MUC5AC: variants seen among roughly 807,000 people sequenced by gnomAD.
MUC5AC encodes the protein mucin-5AC.
Under a neutral mutation model 169.7 loss-of-function variants are expected in MUC5AC, and 158 were observed. The ratio of observed to expected loss-of-function variants is 0.93; its 90% CI spans 0.82 to 1.06. MUC5AC has a LOEUF of 1.06. Ranked by LOEUF, MUC5AC falls within the 50% of genes least tolerant of loss-of-function variation. MUC5AC has a pLI of 0.00. For synonymous variants in MUC5AC, 1,975 were observed against 1,237.0 expected (o/e 1.60, Z -12.52); for missense variants, 4,359 against 3,089.9 (o/e 1.41, Z -9.74).
intron 37 of MUC5AC, 77 bp from the exon 38 acceptor site, chr11:1,196,311 T>A (rs574149234): frequency 1.3e-6 from 1 of 744,878 alleles, no homozygotes; most frequent in East Asian, 2.4e-5. Context: ...CCGGAGCAGA[T>A]GTTGGTGCCC....
In MUC5AC at chr11:1,189,800, C is replaced by T; in HGVS notation, c.11655C>T (p.Thr3885=). 1.4e-6 allele frequency: 1 copy of T among 723,072 alleles called. No individual in the cohort carries two copies. Among genetic ancestry groups the T allele is most frequent in the Non-Finnish European group, 2.5e-6 (1 of 396,108 alleles). The allele number at this position is 723,072 out of a possible 1,614,324, so 44.8% of individuals were successfully genotyped here. A position where few individuals can be genotyped will look rare whatever the true frequency, so the allele number is the denominator to read the frequency against. Residue 3885 remains threonine, a synonymous_variant, in exon 31 of 49, where the codon ACC becomes ACT. Transcript: ENST00000621226. ...CCAGCACAACCTCTTTCCATACAACCAGCACAACCTCTCCCCCTACAAGCA... is the reference window on the plus strand; with the variant it reads ...CCAGCACAACCTCTTTCCATACAACTAGCACAACCTCTCCCCCTACAAGCA... ...PTTSTTSFHT[T]STTSPPTSST...
At chr11:1,179,328 GGT>G (rs1286994281) in intron 26 of MUC5AC, 80 bp downstream of exon 26, 476,462 of 476,490 alleles carry the variant, frequency 1, 238,217 homozygotes, top group Middle Eastern at 1. Flanking sequence ...TGATGCGTGG[GGT>G]GTGTGGGGCG....
chr11:1,194,449 T>C (rs1861206198), intron 34 of MUC5AC, 38 bp from the exon 35 acceptor site: 1 of 727,686 alleles, frequency 1.4e-6, no homozygotes, highest in Non-Finnish European at 2.5e-6. Context: ...CCCGCCCGCC[T>C]GCCTTCTGAC....
intron 41 of MUC5AC, 99 bp downstream of exon 41, chr11:1,197,738 G>T (rs1861314869): frequency 9.5e-6 from 6 of 633,270 alleles, no homozygotes; most frequent in Non-Finnish European, 1.7e-5. Context: ...TGCACCTGGG[G>T]ACAGTGCCTA....
chr11:1,165,392 C>T lies in MUC5AC; in HGVS notation c.1220C>T (p.Ala407Val), dbSNP rs1301950163. 2 of 1,612,218 alleles carry T rather than the reference C, an allele frequency of 1.2e-6. No homozygotes were observed. Among genetic ancestry groups the T allele is most frequent in the Non-Finnish European group, 1.7e-6 (2 of 1,179,666 alleles). ...AACGGGGCTGCCTATGCCCCAGGGG[C>T]CACCTACTCCACAGACTGCACCAAC... ...VYNGAAYAPGATYSTDCTNCT... is the reference protein window; with the variant it reads ...VYNGAAYAPGVTYSTDCTNCT... Residue 407 changes from alanine to valine, a missense_variant, in exon 10 of 49, where the codon GCC becomes GTC. Physicochemically the swap from Ala to Val is moderately conservative, Grantham distance 64. Coordinates refer to ENST00000621226, the MANE Select transcript of MUC5AC (RefSeq NM_001304359.2).
rs531997730 is a variant in MUC5AC at position 1,160,702 on chromosome 11, G to T, written c.151+13G>T. ...CGGGGGCCCAGCGGTGAGTCTGAGT[G>T]TCCGGCCCCCACCCTAAGCCTGTCA... On this transcript the variant is annotated intron_variant, in intron 2 of 48. Transcript: ENST00000621226. 7 of 1,605,372 alleles carry T rather than the reference G, an allele frequency of 4.4e-6. No individual in the cohort carries two copies. In the African/African-American group the frequency reaches 6.7e-5, roughly 15 times the overall value.
chr11:1,199,261 G>A, intron 45 of MUC5AC, 76 bp downstream of exon 45: 1 of 705,366 alleles, frequency 1.4e-6, no homozygotes, highest in Non-Finnish European at 2.6e-6. Flanking sequence ...TCGTTGCCAG[G>A]CATGCGTCTG....
At chr11:1,171,907 C>CCACTCACCTACT (rs1554926384) in intron 15 of MUC5AC, among the ~76,000 whole-genome samples, 54 of 147,600 alleles carry the variant, frequency 3.7e-4, no homozygotes, top group African/African-American at 1.2e-3. Flanking sequence ...ACCCATTCAC[C>CCACTCACCTACT]CACTCACCTA....
chr11:1,158,888 G>A (rs1860042206), intron 1 of MUC5AC, among the ~76,000 whole-genome samples: 1 of 152,208 alleles, frequency 6.6e-6, no homozygotes, highest in Non-Finnish European at 1.5e-5. Context: ...CTCAGAGCAA[G>A]AAGAACCCTC....
In MUC5AC at chr11:1,185,594, C is replaced by T; in HGVS notation, c.7449C>T (p.Ser2483=). 1 of 727,752 alleles carries T rather than the reference C, an allele frequency of 1.4e-6. No homozygotes were observed. Among genetic ancestry groups the T allele is most frequent in the East Asian group, 2.5e-5 (1 of 39,354 alleles). The allele number at this position is 727,752 out of a possible 1,614,324, so 45.1% of individuals were successfully genotyped here. Reference sequence around the variant, plus strand: ...GCACAACCTCTGCCGCTACAACCAGCACAACCTCTGGTCCTGAAACTACTC... The same window carrying T: ...GCACAACCTCTGCCGCTACAACCAGTACAACCTCTGGTCCTGAAACTACTC... ...KSSTTSAATT[S]TTSGPETTPR... Residue 2483 remains serine, a synonymous_variant, in exon 31 of 49, where the codon AGC becomes AGT. Coordinates refer to ENST00000621226, the MANE Select transcript of MUC5AC (RefSeq NM_001304359.2).
In MUC5AC at chr11:1,162,614, G is replaced by C. The variant is rs749918277; in HGVS notation, c.556G>C (p.Val186Leu). The C allele has an allele frequency of 9.3e-6, 15 of 1,612,758 alleles. No individual in the cohort carries two copies. The highest frequency in any genetic ancestry group is 1.3e-5 in the Non-Finnish European group (15 of 1,179,868). Reference sequence around the variant, plus strand: ...CAAGGTGGAGGCCAGGCTGGGCCTTGTCCTCATGTGGAACCACGATGACAG... The same window carrying C: ...CAAGGTGGAGGCCAGGCTGGGCCTTCTCCTCATGTGGAACCACGATGACAG... ...YTKVEARLGLVLMWNHDDSLL... is the reference protein window; with the variant it reads ...YTKVEARLGLLLMWNHDDSLL... Residue 186 changes from valine to leucine, a missense_variant, in exon 5 of 49, where the codon GTC (valine) becomes CTC (leucine). Val to Leu is a conservative substitution (Grantham distance 32). Transcript: ENST00000621226.
rs1240135545 is a variant in MUC5AC, at chr11:1,177,532, C to T, written c.2986C>T (p.Arg996Trp). The T allele has an allele frequency of 1.3e-5, 5 of 398,592 alleles. No individual in the cohort carries two copies. The highest frequency in any genetic ancestry group is 1.3e-4 in the South Asian group (1 of 7,858). The allele number at this position is 398,592 out of a possible 1,614,324, so 24.7% of individuals were successfully genotyped here. ...GAGCCAGGAGGTGCCATACACCATC[C>T]GGCAGATGGGCATCTACCTGGTGGT... is the stretch of plus-strand genomic sequence containing the variant. ...DESQEVPYTI[R>W]QMGIYLVVDT... Residue 996 changes from arginine (R) to tryptophan (W), a missense_variant, in exon 24 of 49, where the codon CGG (arginine) becomes TGG (tryptophan). Transcript: ENST00000621226.
In MUC5AC at chr11:1,186,903, C is replaced by A. The variant is rs1313188710; in HGVS notation, c.8758C>A (p.Pro2920Thr). ...CCCTACAACCAGCACAACCTCTGCCCCTACAAGCAGCACAACCTCAGCTAC... is the reference window on the plus strand; with the variant it reads ...CCCTACAACCAGCACAACCTCTGCCACTACAAGCAGCACAACCTCAGCTAC... The part of the protein sequence containing the change: ...SAPTTSTTSA[P>T]TSSTTSATTT... The change falls in exon 31 of 49, where the codon CCT (proline) becomes ACT (threonine). Residue 2920 changes from proline (P) to threonine (T), a missense_variant. Pro to Thr is a conservative substitution (Grantham distance 38). Transcript: ENST00000621226. 10 of 723,728 alleles carry A rather than the reference C, an allele frequency of 1.4e-5. No individual in the cohort carries two copies. Among genetic ancestry groups the A allele is most frequent in the Non-Finnish European group, 2.3e-5 (9 of 396,888 alleles). The allele number at this position is 723,728 out of a possible 1,614,324, so 44.8% of individuals were successfully genotyped here. A position where few individuals can be genotyped will look rare whatever the true frequency, so the allele number is the denominator to read the frequency against.
chr11:1,195,660 T>G (rs988973058), intron 36 of MUC5AC, among the ~76,000 whole-genome samples: 1 of 151,422 alleles, frequency 6.6e-6, no homozygotes, highest in Non-Finnish European at 1.5e-5. Context: ...CTTGCAGAAA[T>G]AAATGGATGA....
chr11:1,196,062 C>T lies in MUC5AC; in HGVS notation c.15637+8C>T, dbSNP rs1861263532. 2 of 761,746 alleles carry T rather than the reference C, an allele frequency of 2.6e-6. No homozygotes were observed. Among genetic ancestry groups the T allele is most frequent in the Non-Finnish European group, 2.4e-6 (1 of 415,962 alleles). 47.2% of individuals were successfully genotyped at this position (761,746 alleles called of 1,614,324 possible). On this transcript the variant is annotated splice_region_variant and intron_variant, in intron 37 of 48. Coordinates refer to ENST00000621226, the MANE Select transcript of MUC5AC (RefSeq NM_001304359.2). ...GGACCGGCCACATGTGCCGTGAGTG[C>T]CACCACTGTCCTCAGGGTCCCAAGT...
In MUC5AC at chr11:1,164,138, G is replaced by T; in HGVS notation, c.822G>T (p.Leu274=). 1 of 1,612,358 alleles carries T rather than the reference G, an allele frequency of 6.2e-7. No homozygotes were observed. The highest frequency in any genetic ancestry group is 8.5e-7 in the Non-Finnish European group (1 of 1,179,874). ...GTGAGGAGCTCCTGCACGGCCAGCT[G>T]TTCTCTGGCTGCGTGGCCCTGGTGG... The part of the protein sequence containing the change: ...GICEELLHGQ[L]FSGCVALVDV... Residue 274 remains leucine (L), a synonymous_variant, in exon 8 of 49, where the codon CTG becomes CTT. Coordinates refer to ENST00000621226, the MANE Select transcript of MUC5AC (RefSeq NM_001304359.2).
chr11:1,163,881 G>T lies in MUC5AC; in HGVS notation c.680-1G>T. The T allele has an allele frequency of 6.2e-7, 1 of 1,603,324 alleles. No individual in the cohort carries two copies. The highest frequency in any genetic ancestry group is 8.5e-7 in the Non-Finnish European group (1 of 1,175,870). On this transcript the variant is annotated splice_acceptor_variant, in intron 6 of 48. Coordinates refer to ENST00000621226, the MANE Select transcript of MUC5AC (RefSeq NM_001304359.2). LOFTEE classifies it high-confidence loss of function. ...AGAGCCCGCCTCTGTGCTTGCCGCA[G>T]ACACCAAGCTGACACCCATGGAATT...
rs770513632 is a variant in MUC5AC at position 1,168,763 on chromosome 11, C to T, written c.1689C>T (p.Leu563=). The T allele has an allele frequency of 6.2e-7, 1 of 1,604,354 alleles. No individual in the cohort carries two copies. The highest frequency in any genetic ancestry group is 1.1e-5 in the South Asian group (1 of 90,722). The part of the protein sequence containing the change: ...MQLFMQLAPK[L]RGQTCGLCGN... ...TGTTCATGCAGCTGGCGCCCAAGCT[C>T]CGTGGGCAGACCTGCGGTAAGAGGG... The change falls in exon 14 of 49, where the codon CTC becomes CTT. Residue 563 remains leucine, a synonymous_variant. Transcript: ENST00000621226.
rs1191320065 is a variant in MUC5AC at position 1,191,457 on chromosome 11, G to C, written c.13312G>C (p.Gly4438Arg). The C allele has an allele frequency of 1.2e-5, 9 of 747,646 alleles. No individual in the cohort carries two copies. The highest frequency in any genetic ancestry group is 7.1e-5 in the African/African-American group (4 of 56,660). The allele number at this position is 747,646 out of a possible 1,614,324, so 46.3% of individuals were successfully genotyped here. Residue 4438 changes from glycine to arginine, a missense_variant, in exon 31 of 49, where the codon GGA becomes CGA. Transcript: ENST00000621226. ...TACAGCCAGCACAACCTCTGGTCCT[G>C]GAACTACTCCCAGCCCTGTTCCCAC... ...ASTASTTSGP[G>R]TTPSPVPTTS...
Sources: allele counts gnomAD v4.1 joint callset (sites outside exome capture counted in the v4.1 genomes callset), GRCh38; gene constraint gnomAD v4.1.1; transcripts MANE v1.5; gene names NCBI Gene and HGNC (gene_info 2026-07-23, HGNC 2026-07-21).